The following THOP1 variants were observed in gnomAD, a reference collection of about 807,000 sequenced individuals.
THOP1 encodes the protein thimet oligopeptidase 1.
THOP1 carries 49 observed loss-of-function variants against 71.8 expected under a neutral mutation model. The ratio of observed to expected loss-of-function variants is 0.68; its 90% CI spans 0.54 to 0.87. The LOEUF (loss-of-function observed/expected upper bound fraction) is 0.87, where lower values mean the gene tolerates loss of function less well. Ranked by LOEUF, THOP1 falls within the 40% of genes least tolerant of loss-of-function variation. THOP1 has a pLI of 0.00. For synonymous variants in THOP1, 426 were observed against 421.5 expected, an observed-to-expected ratio of 1.01 and a Z score of -0.13; for missense variants, 843 against 975.6, an observed-to-expected ratio of 0.86 and a Z score of 1.81.
Position 2,813,129 on chromosome 19 carries a change from C to T in THOP1, c.1923C>T (p.Tyr641=). 1 of 1,610,914 alleles carries T rather than the reference C, an allele frequency of 6.2e-7. No homozygotes were observed. The highest frequency in any genetic ancestry group is 8.5e-7 in the Non-Finnish European group (1 of 1,179,004). ...CTCCTCGGCAGGTTGGCATGGATTA[C>T]AGAAGCTGCATCCTGAGACCCGGCG... The part of the protein sequence containing the change: ...GVLNSKVGMD[Y]RSCILRPGGS... Residue 641 remains tyrosine (Y), a synonymous_variant, in exon 13 of 13, where the codon TAC becomes TAT. Transcript: ENST00000307741.
intron 1 of THOP1, among the ~76,000 whole-genome samples, 155 bp downstream of exon 1, chr19:2,785,833 C>T (rs993145424): frequency 6.6e-6 from 1 of 152,154 alleles, no homozygotes; most frequent in Non-Finnish European, 1.5e-5. Flanking sequence ...CCTGCTCTCT[C>T]GTTTGCCGAA....
chr19:2,794,484 G>A (rs1915963751), intron 2 of THOP1, among the ~76,000 whole-genome samples: 1 of 152,352 alleles, frequency 6.6e-6, no homozygotes, highest in East Asian at 1.9e-4. Flanking sequence ...GCTCTGTTGG[G>A]TCCTCCTTGG....
At chr19:2,808,720 C>CT (rs1173171658) in intron 9 of THOP1, among the ~76,000 whole-genome samples, 1 of 152,232 alleles carries the variant, frequency 6.6e-6, no homozygotes, top group Non-Finnish European at 1.5e-5. Context: ...GCAGGGTTGG[C>CT]TCCCTCGAGG....
In THOP1 at chr19:2,785,655, C is replaced by T; in HGVS notation, c.-8C>T. The T allele has an allele frequency of 1.3e-6, 2 of 1,488,602 alleles. No homozygotes were observed. Among genetic ancestry groups the T allele is most frequent in the South Asian group, 2.7e-5 (2 of 75,400 alleles). 92.2% of individuals were successfully genotyped at this position (1,488,602 alleles called of 1,614,324 possible). ...AGGGAGGGAGCCGCAGGCGCAGACC[C>T]ACCCGCCATGAAGCCCCCCGCAGGT... On this transcript the variant is annotated 5_prime_UTR_variant, in exon 1 of 13. Transcript: ENST00000307741.
chr19:2,807,374 G>T, intron 7 of THOP1, 68 bp from the exon 8 acceptor site: 1 of 1,490,242 alleles, frequency 6.7e-7, no homozygotes, highest in Non-Finnish European at 8.9e-7. Context: ...CGCGGCCGCG[G>T]GCGGGCGAGC....
chr19:2,790,447 G>A lies in THOP1; in HGVS notation c.43G>A (p.Ala15Thr). The change falls in exon 2 of 13, where the codon GCA becomes ACA. Residue 15 changes from alanine to threonine, a missense_variant. By Grantham distance (58) the Ala-to-Thr change is moderately conservative. Transcript: ENST00000307741. ...AACAGDMADA[A>T]SPCSVVNDLR... ...CTGTGCAGGAGACATGGCGGACGCA[G>A]CATCTCCGTGCTCTGTGGTAAACGA... 2.5e-6 allele frequency: 4 copies of A among 1,577,034 alleles called. No individual in the cohort carries two copies. The highest frequency in any genetic ancestry group is 1.8e-5 in the Admixed American group (1 of 54,128).
At position 2,815,563 on chromosome 19, in the gene THOP1, G is replaced by C. The variant is rs1395523788; in HGVS notation, c.*2287G>C. ...AGAGCCTTCCCAAATGCCCACACCG[G>C]GGGCACCCGGGTTTCCCCAAACACT... On this transcript the variant is annotated 3_prime_UTR_variant, in exon 13 of 13. Transcript: ENST00000307741. The C allele has an allele frequency of 6.6e-6, 1 of 152,416 alleles. No homozygotes were observed. Among genetic ancestry groups the C allele is most frequent in the Non-Finnish European group, 1.5e-5 (1 of 68,218 alleles). 9.4% of individuals were successfully genotyped at this position (152,416 alleles called of 1,614,324 possible). A position where few individuals can be genotyped will look rare whatever the true frequency, so the allele number is the denominator to read the frequency against.
At chr19:2,790,697 G>A (rs1915856704) in intron 2 of THOP1, 64 bp downstream of exon 2, 3 of 1,419,004 alleles carry the variant, frequency 2.1e-6, no homozygotes, top group African/African-American at 2.9e-5. Context: ...CCGCAGGCGG[G>A]AGTAGCCCAG....
chr19:2,810,708 G>C lies in THOP1; in HGVS notation c.1711G>C (p.Asp571His), dbSNP rs1443970259. The C allele has an allele frequency of 6.3e-7, 1 of 1,584,788 alleles. No individual in the cohort carries two copies. The highest frequency in any genetic ancestry group is 8.6e-7 in the Non-Finnish European group (1 of 1,165,546). The change falls in exon 11 of 13, where the codon GAC (aspartate) becomes CAC (histidine). Residue 571 changes from aspartate to histidine, a missense_variant. Physicochemically the swap from Asp to His is moderately conservative, Grantham distance 81. Coordinates refer to ENST00000307741, the MANE Select transcript of THOP1 (RefSeq NM_003249.5). ...DQALHTQTDA[D>H]PAEEYARLCQ... ...GGCCCTGCACACGCAGACGGACGCAGACCCCGCCGAGGAGTATGCGCGGCT... is the reference window on the plus strand; with the variant it reads ...GGCCCTGCACACGCAGACGGACGCACACCCCGCCGAGGAGTATGCGCGGCT...
intron 9 of THOP1, 192 bp from the exon 10 acceptor site, chr19:2,810,112 C>T (rs1916417433): frequency 3.0e-6 from 2 of 676,088 alleles, no homozygotes; most frequent in Non-Finnish European, 4.9e-6. Flanking sequence ...TGTCCTGCTG[C>T]CACCGGCAGC....
At chr19:2,797,120 T>G (rs1358701259) in intron 4 of THOP1, among the ~76,000 whole-genome samples, 3 of 151,940 alleles carry the variant, frequency 2.0e-5, no homozygotes, top group Non-Finnish European at 4.4e-5. Flanking sequence ...TGGGGTCCCT[T>G]GTGAAGGCAT....
chr19:2,814,321 G>A lies in THOP1; in HGVS notation c.*1045G>A, dbSNP rs1916560192. ...CCCGTCTCTTCAGTCCCAGTGCTCT[G>A]ATGTTTTCTCCCGCGACTGTGAGTT... On this transcript the variant is annotated 3_prime_UTR_variant, in exon 13 of 13. Coordinates refer to ENST00000307741, the MANE Select transcript of THOP1 (RefSeq NM_003249.5). 3 of 152,286 alleles carry A rather than the reference G, an allele frequency of 2.0e-5. No homozygotes were observed. The highest frequency in any genetic ancestry group is 2.0e-4 in the Admixed American group (3 of 15,282). The allele number at this position is 152,286 out of a possible 1,614,324, so 9.4% of individuals were successfully genotyped here.
chr19:2,812,223 T>C (rs935813488), intron 12 of THOP1: 1 of 1,527,756 alleles, frequency 6.5e-7, no homozygotes, highest in Admixed American at 2.0e-5. Context: ...AGTGCGGCCG[T>C]TACGCCATGT....
chr19:2,810,404 TG>T lies in THOP1; in HGVS notation c.1557del (p.Arg520GlyfsTer114), dbSNP rs758704650. 9 of 1,609,964 alleles carry T rather than the reference TG, an allele frequency of 5.6e-6. No homozygotes were observed. The African/African-American group carries it at 1.2e-4, about 21-fold the overall frequency. On this transcript the variant is annotated frameshift_variant, in exon 10 of 13. Coordinates refer to ENST00000307741, the MANE Select transcript of THOP1 (RefSeq NM_003249.5). LOFTEE classifies it high-confidence loss of function. ...ENWVWEQEPL[L>X]RMSRHYRTGS... ...TGGGTGTGGGAGCAGGAGCCGCTGC[TG>T]CGGATGTCGCGGCACTACCGCACAG... is the stretch of plus-strand genomic sequence containing the variant.
At chr19:2,791,707 C>T (rs376640820) in intron 2 of THOP1, among the ~76,000 whole-genome samples, 4 of 152,180 alleles carry the variant, frequency 2.6e-5, no homozygotes, top group African/African-American at 7.2e-5. Context: ...TGGCGCCCAG[C>T]GGTGCCAGGC....
chr19:2,808,013 G>A, intron 8 of THOP1: 1 of 787,316 alleles, frequency 1.3e-6, no homozygotes, highest in Non-Finnish European at 1.9e-6. Context: ...CACCCCGACA[G>A]GGCGCAGCTC....
intron 1 of THOP1, among the ~76,000 whole-genome samples, chr19:2,789,278 G>A (rs1915823115): frequency 6.6e-6 from 1 of 152,170 alleles, no homozygotes; most frequent in Non-Finnish European, 1.5e-5. Flanking sequence ...CTGGCCCCCT[G>A]GGCCCTGCAC....
At chr19:2,812,019 C>T in intron 12 of THOP1, 3 of 1,033,082 alleles carry the variant, frequency 2.9e-6, no homozygotes, top group Non-Finnish European at 1.3e-6. Context: ...CCTCCCTGGG[C>T]CCTGCAGGAA....
chr19:2,789,936 G>A, intron 1 of THOP1: 2 of 160,180 alleles, frequency 1.2e-5, no homozygotes, highest in South Asian at 1.4e-4. Flanking sequence ...TGTATTTTTG[G>A]TACAGATGGG....
Sources: allele counts gnomAD v4.1 joint callset (sites outside exome capture counted in the v4.1 genomes callset), GRCh38; gene constraint gnomAD v4.1.1; transcripts MANE v1.5; gene names NCBI Gene and HGNC (gene_info 2026-07-23, HGNC 2026-07-21).